WNT7A: variants seen among roughly 807,000 people sequenced by gnomAD.
The protein encoded by WNT7A is Wnt family member 7A, also known as protein Wnt-7a.
WNT7A carries 16 observed loss-of-function variants against 28.2 expected under a neutral mutation model. The ratio of observed to expected loss-of-function variants is 0.57; its 90% CI spans 0.38 to 0.86. The LOEUF (loss-of-function observed/expected upper bound fraction) is 0.86. Among genes scored for constraint, WNT7A ranks in the 40% least tolerant of loss-of-function variants. WNT7A has a pLI of 0.00. For synonymous variants in WNT7A, 190 were observed against 195.9 expected, an observed-to-expected ratio of 0.97 and a Z score of 0.25; for missense variants, 411 against 489.7, an observed-to-expected ratio of 0.84 and a Z score of 1.52.
chr3:13,833,056 A>T (rs1053120642), intron 3 of WNT7A, among the ~76,000 whole-genome samples: 1 of 151,578 alleles, frequency 6.6e-6, no homozygotes, highest in Non-Finnish European at 1.5e-5. Context: ...CCCCAGATTC[A>T]TCTCTTTCTA....
intron 3 of WNT7A, 67 bp downstream of exon 3, chr3:13,854,464 AT>A: frequency 6.2e-7 from 1 of 1,609,764 alleles, no homozygotes; most frequent in Non-Finnish European, 8.5e-7. Flanking sequence ...CCAGCACCAG[AT>A]GTTACAAACA....
chr3:13,864,285 A>C (rs904568795), intron 2 of WNT7A, among the ~76,000 whole-genome samples: 1 of 152,098 alleles, frequency 6.6e-6, no homozygotes, highest in South Asian at 2.1e-4. Flanking sequence ...AAACCCCCTG[A>C]GTCTGGTCCC....
At chr3:13,852,595 G>A (rs1425958103) in intron 3 of WNT7A, among the ~76,000 whole-genome samples, 1 of 152,216 alleles carries the variant, frequency 6.6e-6, no homozygotes, top group Non-Finnish European at 1.5e-5. Context: ...GCAGCTGGCG[G>A]CTGTCTTTGT....
rs373150797 is a variant in WNT7A at position 13,874,414 on chromosome 3, T to C, written c.298+533A>G. 6.1e-4 allele frequency among the ~76,000 whole-genome samples: 93 copies of C among 152,120 alleles called. 1 individual carries two copies. Among genetic ancestry groups the C allele is most frequent in the African/African-American group, 1.7e-3 (70 of 41,488 alleles). On this transcript the variant is annotated intron_variant, in intron 2 of 3. Transcript: ENST00000285018. ...CCATTCCCATAAAACAGTTGCAAAG[T>C]CAAAAGCCCACAGGAGTCAAGCGGA...
intron 3 of WNT7A, among the ~76,000 whole-genome samples, chr3:13,828,060 G>A (rs541799385): frequency 6.6e-6 from 1 of 152,174 alleles, no homozygotes; most frequent in South Asian, 2.1e-4. Flanking sequence ...TTTGCAAACA[G>A]AGAGTCCTCA....
At position 13,818,769 on chromosome 3, in the gene WNT7A, T is replaced by C; in HGVS notation, c.*175A>G. 1 of 994,488 alleles carries C rather than the reference T, an allele frequency of 1.0e-6. No homozygotes were observed. Among genetic ancestry groups the C allele is most frequent in the African/African-American group, 1.6e-5 (1 of 61,166 alleles). 61.6% of individuals were successfully genotyped at this position (994,488 alleles called of 1,614,324 possible). A position where few individuals can be genotyped will look rare whatever the true frequency, so the allele number is the denominator to read the frequency against. ...AGCATTGGGTGTGGAACAGAATAGTTGAGGGCTCTGAGAGATTTTTTTTCC... is the reference window on the plus strand; with the variant it reads ...AGCATTGGGTGTGGAACAGAATAGTCGAGGGCTCTGAGAGATTTTTTTTCC... On this transcript the variant is annotated 3_prime_UTR_variant, in exon 4 of 4. Transcript: ENST00000285018.
Position 13,818,912 on chromosome 3 carries a change from C to G in WNT7A, c.*32G>C. On this transcript the variant is annotated 3_prime_UTR_variant, in exon 4 of 4. Transcript: ENST00000285018. ...CGGTCCAGTCCTCCCAGCAATCTGA[C>G]TTGCAGCGGGAGGGTGGTGTGCACA... 1 of 1,545,484 alleles carries G rather than the reference C, an allele frequency of 6.5e-7. No individual in the cohort carries two copies. Among genetic ancestry groups the G allele is most frequent in the Non-Finnish European group, 8.8e-7 (1 of 1,140,940 alleles).
At position 13,854,168 on chromosome 3, in the gene WNT7A, C is replaced by T. The variant is rs114945022; in HGVS notation, c.570+364G>A. ...GAAGAGGGAGGAAGGGAAGGAGGGA[C>T]GGAGGGAAGGAGGGAGGGAGGGAGA... is the stretch of plus-strand genomic sequence containing the variant. On this transcript the variant is annotated intron_variant, in intron 3 of 3. Transcript: ENST00000285018. Among the ~76,000 whole-genome samples, 727 of 147,214 alleles carry T rather than the reference C, an allele frequency of 4.9e-3. 7 individuals are homozygous for T. The highest frequency in any genetic ancestry group is 0.017 in the African/African-American group (671 of 39,720).
At chr3:13,872,028 C>T (rs75472006) in intron 2 of WNT7A, among the ~76,000 whole-genome samples, 9,555 of 152,168 alleles carry the variant, frequency 0.063, 487 homozygotes, top group South Asian at 0.19. Context: ...TTTGCATCTA[C>T]TGTTCCCTTT....
At chr3:13,867,190 C>A (rs990031416) in intron 2 of WNT7A, among the ~76,000 whole-genome samples, 1 of 152,134 alleles carries the variant, frequency 6.6e-6, no homozygotes, top group Admixed American at 6.5e-5. Flanking sequence ...GGGTGTGTGG[C>A]TCCCCCATTC....
At chr3:13,858,510 C>T (rs528612823) in intron 2 of WNT7A, among the ~76,000 whole-genome samples, 1 of 152,286 alleles carries the variant, frequency 6.6e-6, no homozygotes, top group East Asian at 1.9e-4. Context: ...TCCACCCACT[C>T]ACCATTTCCA....
Position 13,819,316 on chromosome 3 carries a change from G to A in WNT7A, c.678C>T (p.Tyr226=). 3 of 1,613,418 alleles carry A rather than the reference G, an allele frequency of 1.9e-6. No homozygotes were observed. Among genetic ancestry groups the A allele is most frequent in the Non-Finnish European group, 8.5e-7 (1 of 1,179,456 alleles). ...CCTCGTTGTACTTGTCCTTGAGCACGTAGCCCAGCTCCCGAAACTGTGGCA... is the reference window on the plus strand; with the variant it reads ...CCTCGTTGTACTTGTCCTTGAGCACATAGCCCAGCTCCCGAAACTGTGGCA... ...TTLPQFRELG[Y]VLKDKYNEAV... The change falls in exon 4 of 4, where the codon TAC becomes TAT. Residue 226 remains tyrosine, a synonymous_variant. Coordinates refer to ENST00000285018, the MANE Select transcript of WNT7A (RefSeq NM_004625.4).
intron 2 of WNT7A, among the ~76,000 whole-genome samples, chr3:13,865,683 T>G (rs1046491053): frequency 5.3e-5 from 8 of 152,178 alleles, no homozygotes; most frequent in Non-Finnish European, 1.2e-4. Flanking sequence ...AGGCCAGGCC[T>G]GTCCTCAAGG....
intron 3 of WNT7A, among the ~76,000 whole-genome samples, chr3:13,842,024 G>A (rs899250856): frequency 2.0e-5 from 3 of 152,132 alleles, no homozygotes; most frequent in African/African-American, 4.8e-5. Context: ...TGTGTGTGAG[G>A]AGCCACAGGG....
At chr3:13,862,084 G>A (rs1455780714) in intron 2 of WNT7A, among the ~76,000 whole-genome samples, 3 of 152,226 alleles carry the variant, frequency 2.0e-5, no homozygotes, top group African/African-American at 7.2e-5. Context: ...CTGCCTCTCT[G>A]AGTCTCAGCT....
At chr3:13,835,893 A>G (rs1694359687) in intron 3 of WNT7A, among the ~76,000 whole-genome samples, 2 of 152,228 alleles carry the variant, frequency 1.3e-5, no homozygotes, top group South Asian at 2.1e-4. Flanking sequence ...AACCTTGAAG[A>G]CTTTATGCTG....
intron 2 of WNT7A, chr3:13,863,662 T>C (rs1160218967): frequency 1.3e-5 from 2 of 152,002 alleles, no homozygotes; most frequent in African/African-American, 4.8e-5. Context: ...AAGGAAAGAA[T>C]AGGTCTTTTG....
At chr3:13,858,471 GAGAAATGGAC>G (rs1385683230) in intron 2 of WNT7A, among the ~76,000 whole-genome samples, 3 of 152,178 alleles carry the variant, frequency 2.0e-5, no homozygotes, top group Non-Finnish European at 4.4e-5. Flanking sequence ...TGCAGATGGT[GAGAAATGGAC>G]AGCTAACCAC....
In WNT7A at chr3:13,875,009, T is replaced by C; in HGVS notation, c.236A>G (p.Asn79Ser). 1 of 1,614,208 alleles carries C rather than the reference T, an allele frequency of 6.2e-7. No individual in the cohort carries two copies. Among genetic ancestry groups the C allele is most frequent in the South Asian group, 1.1e-5 (1 of 91,082 alleles). ...GLDECQFQFR[N>S]GRWNCSALGE... is the part of the protein sequence containing the mutation. The stretch of plus-strand genomic sequence containing the variant: ...CAGTGCAGAGCAGTTCCAGCGGCCA[T>C]TGCGGAACTGAAACTGACACTCGTC... The change falls in exon 2 of 4, where the codon AAT (asparagine) becomes AGT (serine). Residue 79 changes from asparagine to serine, a missense_variant. Physicochemically the swap from Asn to Ser is conservative, Grantham distance 46 (BLOSUM62 1). Coordinates refer to ENST00000285018, the MANE Select transcript of WNT7A (RefSeq NM_004625.4).
Sources: allele counts gnomAD v4.1 joint callset (sites outside exome capture counted in the v4.1 genomes callset), GRCh38; gene constraint gnomAD v4.1.1; transcripts MANE v1.5; gene names NCBI Gene and HGNC (gene_info 2026-07-23, HGNC 2026-07-21).